The following AOAH variants were observed in gnomAD, a reference collection of about 807,000 sequenced individuals.
AOAH encodes the protein acyloxyacyl hydrolase (neutrophil).
Under a neutral mutation model 92.2 loss-of-function variants are expected in AOAH, and 64 were observed. The ratio of observed to expected loss-of-function variants is 0.69; its 90% CI spans 0.57 to 0.86. The LOEUF (loss-of-function observed/expected upper bound fraction) is 0.86, where lower values mean the gene tolerates loss of function less well. AOAH is among the 40% of genes least tolerant of loss of function. AOAH has a pLI of 0.00. For synonymous variants in AOAH, 263 were observed against 254.5 expected (o/e 1.03, Z -0.32); for missense variants, 656 against 694.6 (o/e 0.94, Z 0.62).
At chr7:36,609,716 C>G (rs1562617969) in intron 11 of AOAH, among the ~76,000 whole-genome samples, 1 of 152,106 alleles carries the variant, frequency 6.6e-6, no homozygotes. Flanking sequence ...GCACTAATGG[C>G]TCTAGAACTG....
At chr7:36,631,216 G>A (rs1793059522) in intron 6 of AOAH, among the ~76,000 whole-genome samples, 1 of 152,014 alleles carries the variant, frequency 6.6e-6, no homozygotes, top group Non-Finnish European at 1.5e-5. Flanking sequence ...GTGTGGTGGT[G>A]TGCGCCTGTA....
chr7:36,569,799 G>C (rs1288913106), intron 13 of AOAH, among the ~76,000 whole-genome samples: 1 of 151,988 alleles, frequency 6.6e-6, no homozygotes, highest in Non-Finnish European at 1.5e-5. Flanking sequence ...TTTTAGTAGA[G>C]ATGAGGTTTC....
At position 36,703,346 on chromosome 7, in the gene AOAH, C is replaced by T. The variant is rs533765399; in HGVS notation, c.128-16552G>A. Among the ~76,000 whole-genome samples, 17 of 152,246 alleles carry T rather than the reference C, an allele frequency of 1.1e-4. No individual in the cohort carries two copies. The South Asian group carries it at 3.1e-3, about 28-fold the overall frequency. On this transcript the variant is annotated intron_variant, in intron 1 of 20. Transcript: ENST00000617537. ...TTCAATTTACTTTTCCGAGATTCAT[C>T]AGAGGAATAAGTGCCTATGGCAGCT...
At chr7:36,568,051 T>C (rs556873604) in intron 13 of AOAH, among the ~76,000 whole-genome samples, 16 of 152,326 alleles carry the variant, frequency 1.1e-4, no homozygotes, top group Non-Finnish European at 2.1e-4. Flanking sequence ...CATCCTACGA[T>C]GTGTAACCCA....
intron 1 of AOAH, among the ~76,000 whole-genome samples, chr7:36,693,542 A>T (rs1029455340): frequency 6.6e-6 from 1 of 151,792 alleles, no homozygotes; most frequent in African/African-American, 2.4e-5. Flanking sequence ...TATTTTTTTG[A>T]TCACACTATT....
At chr7:36,642,516 C>T (rs1258172137) in intron 4 of AOAH, among the ~76,000 whole-genome samples, 2 of 152,208 alleles carry the variant, frequency 1.3e-5, no homozygotes, top group Non-Finnish European at 2.9e-5. Flanking sequence ...CAGACAATTG[C>T]TTTCTGTTGC....
intron 12 of AOAH, among the ~76,000 whole-genome samples, chr7:36,587,141 G>A (rs564260971): frequency 5.9e-5 from 9 of 151,690 alleles, no homozygotes; most frequent in African/African-American, 9.7e-5. Context: ...GTGTGGCAGC[G>A]TGTGCCTGTA....
In AOAH at chr7:36,666,921, C is replaced by T. The variant is rs560399639; in HGVS notation, c.290+7022G>A. 3.3e-5 allele frequency among the ~76,000 whole-genome samples: 5 copies of T among 152,242 alleles called. No individual in the cohort carries two copies. The South Asian group carries it at 1.0e-3, about 32-fold the overall frequency. Reference sequence around the variant, plus strand: ...CTAGTTTAATACCAATGTTATCTGACAGCAGACATTATATAATTTCTATTC... The same window carrying T: ...CTAGTTTAATACCAATGTTATCTGATAGCAGACATTATATAATTTCTATTC... On this transcript the variant is annotated intron_variant, in intron 3 of 20. Coordinates refer to ENST00000617537, the MANE Select transcript of AOAH (RefSeq NM_001637.4).
chr7:36,632,329 CCTT>C (rs1235758291), intron 5 of AOAH, among the ~76,000 whole-genome samples: 4 of 152,214 alleles, frequency 2.6e-5, no homozygotes, highest in Non-Finnish European at 4.4e-5. Context: ...AGCCTTCCCT[CCTT>C]CTCTTCCAGC....
chr7:36,720,585 C>A (rs1584196740), intron 1 of AOAH, among the ~76,000 whole-genome samples: 1 of 152,322 alleles, frequency 6.6e-6, no homozygotes, highest in East Asian at 1.9e-4. Context: ...CTGCCCTGCA[C>A]TTCATGGTGC....
At chr7:36,521,286 G>T (rs1044388723) in intron 20 of AOAH, among the ~76,000 whole-genome samples, 1 of 152,170 alleles carries the variant, frequency 6.6e-6, no homozygotes, top group Admixed American at 6.5e-5. Context: ...CCCCATAGAG[G>T]AGCAGCTTTC....
At chr7:36,545,007 A>G (rs372685206) in intron 15 of AOAH, among the ~76,000 whole-genome samples, 5 of 152,116 alleles carry the variant, frequency 3.3e-5, no homozygotes, top group African/African-American at 1.2e-4. Context: ...AGCCAGTTGC[A>G]ATCACATTGT....
At chr7:36,530,113 T>G (rs1784602780) in intron 19 of AOAH, among the ~76,000 whole-genome samples, 2 of 152,214 alleles carry the variant, frequency 1.3e-5, no homozygotes, top group South Asian at 4.1e-4. Flanking sequence ...AAGAACAGGT[T>G]AGTGAGTGCA....
intron 1 of AOAH, among the ~76,000 whole-genome samples, chr7:36,700,749 G>A (rs1562710782): frequency 6.6e-6 from 1 of 151,990 alleles, no homozygotes; most frequent in Non-Finnish European, 1.5e-5. Flanking sequence ...AGTTTTTTGA[G>A]AAATCTTCAC....
Position 36,623,500 on chromosome 7 carries a change from T to C in AOAH, c.522-250A>G, listed in dbSNP as rs543691190. ...TGGCCTGTATGAGGAAGTGAAATAA[T>C]TGAAGTGAAATTTTAAAGGGCAAGG... On this transcript the variant is annotated intron_variant, in intron 6 of 20. Transcript: ENST00000617537. Among the ~76,000 whole-genome samples, 9 of 152,288 alleles carry C rather than the reference T, an allele frequency of 5.9e-5. No individual in the cohort carries two copies. In the South Asian group the frequency reaches 1.5e-3, roughly 25 times the overall value.
intron 12 of AOAH, among the ~76,000 whole-genome samples, chr7:36,579,698 GC>G (rs1788797157): frequency 6.6e-6 from 1 of 152,102 alleles, no homozygotes; most frequent in Non-Finnish European, 1.5e-5. Flanking sequence ...GGGAGGCCAG[GC>G]CAGTCTCTCT....
intron 15 of AOAH, among the ~76,000 whole-genome samples, chr7:36,544,850 C>G (rs1347343494): frequency 2.0e-5 from 3 of 152,150 alleles, no homozygotes; most frequent in African/African-American, 7.2e-5. Context: ...AAGGAAGAAA[C>G]TGATCAGCCT....
intron 12 of AOAH, among the ~76,000 whole-genome samples, chr7:36,587,298 A>G (rs1253193333): frequency 6.6e-6 from 1 of 151,464 alleles, no homozygotes; most frequent in Non-Finnish European, 1.5e-5. Context: ...AAAAAGAAAG[A>G]AAGAAAAGAA....
At chr7:36,568,569 A>T (rs1787876617) in intron 13 of AOAH, among the ~76,000 whole-genome samples, 1 of 152,092 alleles carries the variant, frequency 6.6e-6, no homozygotes, top group East Asian at 1.9e-4. Context: ...ACAGTCCAAC[A>T]ATCATCCAGA....
Sources: gnomAD v4.1 joint callset for allele counts (sites outside exome capture counted in the v4.1 genomes callset) on GRCh38, gnomAD v4.1.1 for gene constraint, MANE v1.5 for transcripts, NCBI Gene and HGNC (gene_info 2026-07-23, HGNC 2026-07-21) for gene names.